FRMPD2: variants seen among roughly 807,000 people sequenced by gnomAD.
FRMPD2 encodes FERM and PDZ domain containing 2, also known as FERM and PDZ domain-containing protein 2.
In FRMPD2, 96 loss-of-function variants were observed where a neutral mutation model predicts 140.1. The observed-to-expected ratio is 0.69, with a 90% CI of 0.58 to 0.81. FRMPD2 has a LOEUF of 0.81. Ranked by LOEUF, FRMPD2 falls within the 40% of genes least tolerant of loss-of-function variation. FRMPD2 has a pLI of 0.00. For synonymous variants in FRMPD2, 449 were observed against 547.6 expected, an observed-to-expected ratio of 0.82 and a Z score of 2.52; for missense variants, 1,240 against 1,447.4, an observed-to-expected ratio of 0.86 and a Z score of 2.32.
At chr10:48,202,516 G>C (rs1486391066) in intron 14 of FRMPD2, among the ~76,000 whole-genome samples, 1 of 152,168 alleles carries the variant, frequency 6.6e-6, no homozygotes, top group Non-Finnish European at 1.5e-5. Flanking sequence ...GACAAGTATA[G>C]TGCTAAGCCT....
chr10:48,255,948 C>T lies in FRMPD2; in HGVS notation c.26-4257G>A, dbSNP rs1472235564. Among the ~76,000 whole-genome samples the T allele has an allele frequency of 2.0e-5, 3 of 152,172 alleles. No homozygotes were observed. In the South Asian group the frequency reaches 6.2e-4, roughly 32 times the overall value. Reference sequence around the variant, plus strand: ...GAGAGGTGGGCGGGTCCCATCTGCCCGCAGACCTCTTAGGCCAAGAAAAAG... The same window carrying T: ...GAGAGGTGGGCGGGTCCCATCTGCCTGCAGACCTCTTAGGCCAAGAAAAAG... On this transcript the variant is annotated intron_variant, in intron 1 of 28. Coordinates refer to ENST00000374201, the MANE Select transcript of FRMPD2 (RefSeq NM_001018071.4).
rs749414233 is a variant in FRMPD2 at position 48,242,278 on chromosome 10, C to A, written c.450G>T (p.Thr150=). The A allele has an allele frequency of 1.9e-6, 3 of 1,614,132 alleles. No individual in the cohort carries two copies. The highest frequency in any genetic ancestry group is 2.5e-6 in the Non-Finnish European group (3 of 1,180,002). Residue 150 remains threonine (T), a synonymous_variant, in exon 5 of 29, where the codon ACG becomes ACT. Coordinates refer to ENST00000374201, the MANE Select transcript of FRMPD2 (RefSeq NM_001018071.4). The part of the protein sequence containing the change: ...MCEDQPHRRC[T]LQSVLEACRV... Reference sequence around the variant, plus strand: ...GACAAGCTTCCAGAACCGACTGCAACGTGCACCGCCTGTGAGGCTGGTCTT... The same window carrying A: ...GACAAGCTTCCAGAACCGACTGCAAAGTGCACCGCCTGTGAGGCTGGTCTT...
chr10:48,259,635 AGT>A (rs144847579), intron 1 of FRMPD2, among the ~76,000 whole-genome samples: 9,592 of 148,230 alleles, frequency 0.065, 867 homozygotes, highest in African/African-American at 0.21. Context: ...TGTGTGTGTA[AGT>A]GTGTGTGTGT....
Position 48,161,733 on chromosome 10 carries a change from C to T in FRMPD2, c.3881+1595G>A, listed in dbSNP as rs1554790782. On this transcript the variant is annotated intron_variant, in intron 28 of 28. Transcript: ENST00000374201. ...CAAGCAAAAGCTGGGACCCCTTCTT[C>T]AGGAATGTTATGGAGCAGATTCCAG... 5.0e-3 allele frequency among the ~76,000 whole-genome samples: 739 copies of T among 148,632 alleles called. 13 individuals are homozygous for T. The highest frequency in any genetic ancestry group is 0.018 in the African/African-American group (704 of 38,326).
chr10:48,264,990 A>G (rs1309238491), intron 1 of FRMPD2, among the ~76,000 whole-genome samples: 3 of 152,200 alleles, frequency 2.0e-5, no homozygotes, highest in Non-Finnish European at 4.4e-5. Flanking sequence ...TAACCAAAAC[A>G]GCTTGGTACT....
At chr10:48,217,734 T>A (rs138675864) in intron 12 of FRMPD2, among the ~76,000 whole-genome samples, 1 of 152,222 alleles carries the variant, frequency 6.6e-6, no homozygotes, top group Non-Finnish European at 1.5e-5. Flanking sequence ...CTGTTCTCAC[T>A]GTTTTAACTG....
rs765297091 is a variant in FRMPD2 at position 48,211,985 on chromosome 10, C to G, written c.1580G>C (p.Trp527Ser). 4.3e-6 allele frequency: 7 copies of G among 1,613,846 alleles called. No individual in the cohort carries two copies. The highest frequency in any genetic ancestry group is 1.6e-4 in the Middle Eastern group (1 of 6,070). ...GAACTTCAGCTCAGCATCCTCTCCC[C>G]ACAGTGCAGAGCTGAGCCGGTGCAT... is the stretch of plus-strand genomic sequence containing the variant. ...SEMHRLSSAL[W>S]GEDAELKFLR... Residue 527 changes from tryptophan to serine, a missense_variant, in exon 13 of 29, where the codon TGG becomes TCG. Physicochemically the swap from Trp to Ser is radical, Grantham distance 177 (BLOSUM62 -3). Coordinates refer to ENST00000374201, the MANE Select transcript of FRMPD2 (RefSeq NM_001018071.4).
intron 5 of FRMPD2, among the ~76,000 whole-genome samples, chr10:48,241,238 G>C (rs1375878679): frequency 2.0e-5 from 3 of 152,148 alleles, no homozygotes; most frequent in African/African-American, 7.2e-5. Context: ...TGTCCACCCT[G>C]CTGTCCCCAC....
chr10:48,189,661 C>T (rs1379302758), intron 16 of FRMPD2, among the ~76,000 whole-genome samples: 1 of 152,230 alleles, frequency 6.6e-6, no homozygotes, highest in Non-Finnish European at 1.5e-5. Flanking sequence ...AGGGCTGGCA[C>T]ACATTAGGTG....
rs34657135 is a variant in FRMPD2 at position 48,273,647 on chromosome 10, G to A, written c.25+896C>T. ...CTCCATTTCGGCACTTGCTATCACC[G>A]CCAGTTTTCATGCAGGTCCAGCATT... is the stretch of plus-strand genomic sequence containing the variant. On this transcript the variant is annotated intron_variant, in intron 1 of 28. Transcript: ENST00000374201. Among the ~76,000 whole-genome samples the A allele has an allele frequency of 2.2e-4, 33 of 152,162 alleles. No homozygotes were observed. In the South Asian group the frequency reaches 5.2e-3, roughly 24 times the overall value.
intron 10 of FRMPD2, among the ~76,000 whole-genome samples, chr10:48,228,322 T>A (rs1425567431): frequency 6.6e-6 from 1 of 151,854 alleles, no homozygotes; most frequent in Non-Finnish European, 1.5e-5. Context: ...ATAAGATATA[T>A]CTACTTAAAA....
chr10:48,233,250 T>C (rs1473482455), intron 9 of FRMPD2, among the ~76,000 whole-genome samples: 2 of 152,130 alleles, frequency 1.3e-5, no homozygotes, highest in African/African-American at 4.8e-5. Flanking sequence ...AGAGCAGATC[T>C]GAGGACCCTG....
intron 3 of FRMPD2, among the ~76,000 whole-genome samples, chr10:48,247,801 G>C (rs1328506274): frequency 6.6e-6 from 1 of 152,142 alleles, no homozygotes; most frequent in East Asian, 1.9e-4. Flanking sequence ...CTCAGTGTAG[G>C]TGGAGCCAAG....
At chr10:48,183,617 G>A (rs1838601646) in intron 20 of FRMPD2, among the ~76,000 whole-genome samples, 1 of 152,046 alleles carries the variant, frequency 6.6e-6, no homozygotes, top group African/African-American at 2.4e-5. Flanking sequence ...TTGGGAGGCT[G>A]AGGCGGGCAG....
At chr10:48,175,116 C>T (rs558767117) in intron 23 of FRMPD2, 161 bp from the exon 24 acceptor site, 1 of 495,652 alleles carries the variant, frequency 2.0e-6, no homozygotes, top group South Asian at 2.2e-5. Flanking sequence ...AATCCTGCCT[C>T]TCTGAGCAGT....
Position 48,197,996 on chromosome 10 carries a change from G to C in FRMPD2, c.1954+3232C>G, listed in dbSNP as rs906072244. Among the ~76,000 whole-genome samples, 5 of 152,320 alleles carry C rather than the reference G, an allele frequency of 3.3e-5. No individual in the cohort carries two copies. In the East Asian group the frequency reaches 7.7e-4, roughly 24 times the overall value. On this transcript the variant is annotated intron_variant, in intron 15 of 28. Coordinates refer to ENST00000374201, the MANE Select transcript of FRMPD2 (RefSeq NM_001018071.4). Reference sequence around the variant, plus strand: ...AAAACAGTAAATTATGAACATAAGGGAGGTAATTAGTGTAAGTACTTAGCA... The same window carrying C: ...AAAACAGTAAATTATGAACATAAGGCAGGTAATTAGTGTAAGTACTTAGCA...
intron 12 of FRMPD2, among the ~76,000 whole-genome samples, chr10:48,215,288 G>A (rs1199513333): frequency 3.9e-5 from 6 of 152,172 alleles, no homozygotes; most frequent in Non-Finnish European, 7.3e-5. Flanking sequence ...CTCAGGCAGC[G>A]GACAGGCCAG....
chr10:48,256,833 T>G (rs1271051217), intron 1 of FRMPD2, among the ~76,000 whole-genome samples: 1 of 152,234 alleles, frequency 6.6e-6, no homozygotes, highest in Admixed American at 6.5e-5. Context: ...TCCTCGGCAT[T>G]CTTTCTCCCT....
At chr10:48,244,141 C>T (rs566688906) in intron 4 of FRMPD2, among the ~76,000 whole-genome samples, 1 of 152,248 alleles carries the variant, frequency 6.6e-6, no homozygotes, top group Admixed American at 6.5e-5. Context: ...TACACCACCA[C>T]ACCCAGCTAA....
Sources: gnomAD v4.1 joint callset for allele counts (sites outside exome capture counted in the v4.1 genomes callset) on GRCh38, gnomAD v4.1.1 for gene constraint, MANE v1.5 for transcripts, NCBI Gene and HGNC (gene_info 2026-07-23, HGNC 2026-07-21) for gene names.